The following NCOR2 variants were observed in gnomAD, a reference collection of about 807,000 sequenced individuals.
NCOR2 encodes the protein CTG repeat protein 26.
A neutral mutation model predicts 262.9 loss-of-function variants in NCOR2; 81 were observed. The ratio of observed to expected loss-of-function variants is 0.31; its 90% CI spans 0.26 to 0.37. The LOEUF is 0.37. Ranked by LOEUF, NCOR2 falls within the 10% of genes least tolerant of loss-of-function variation. The pLI is 1.00. For synonymous variants in NCOR2, 1,659 were observed against 1,559.3 expected (o/e 1.06, Z -1.51); for missense variants, 3,385 against 3,621.4 (o/e 0.93, Z 1.68).
At chr12:124,399,351 T>C (rs2041870749) in intron 15 of NCOR2, among the ~76,000 whole-genome samples, 1 of 152,042 alleles carries the variant, frequency 6.6e-6, no homozygotes, top group Non-Finnish European at 1.5e-5. Flanking sequence ...AGGAGTGTGT[T>C]TTCCACCCTG....
At chr12:124,474,219 C>A (rs1385745950) in intron 3 of NCOR2, among the ~76,000 whole-genome samples, 2 of 152,174 alleles carry the variant, frequency 1.3e-5, no homozygotes, top group Non-Finnish European at 2.9e-5. Flanking sequence ...CAGAACCATG[C>A]AGCCAACACA....
At chr12:124,372,391 G>T in exon 20 of NCOR2, 1 of 1,505,540 alleles carries the variant, frequency 6.6e-7, no homozygotes, top group Non-Finnish European at 8.8e-7. Flanking sequence ...AGAGGGCGAT[G>T]GGGGTGCTGG....
chr12:124,430,828 C>G (rs754346010), intron 8 of NCOR2, 41 bp from the exon 11 acceptor site: 2 of 1,556,944 alleles, frequency 1.3e-6, no homozygotes, highest in Admixed American at 3.8e-5. Flanking sequence ...TGCTCCTGCA[C>G]CTGGCACCCG....
At chr12:124,506,148 C>T (rs1259593838) in intron 1 of NCOR2, among the ~76,000 whole-genome samples, 3 of 152,166 alleles carry the variant, frequency 2.0e-5, no homozygotes, top group African/African-American at 7.2e-5. Flanking sequence ...CATGCTAACA[C>T]CAGAGGCAGC....
At chr12:124,501,369 T>C (rs908694292) in intron 1 of NCOR2, among the ~76,000 whole-genome samples, 3 of 151,438 alleles carry the variant, frequency 2.0e-5, no homozygotes, top group African/African-American at 7.3e-5. Flanking sequence ...CGAGGCGTAT[T>C]AGCGCCCTCG....
At chr12:124,551,433 G>C (rs2051711687) in intron 1 of NCOR2, among the ~76,000 whole-genome samples, 1 of 152,230 alleles carries the variant, frequency 6.6e-6, no homozygotes, top group South Asian at 2.1e-4. Context: ...TCGTGGAAAA[G>C]CCCAGGCCCC....
chr12:124,553,824 G>A (rs1285787939), intron 1 of NCOR2, among the ~76,000 whole-genome samples: 1 of 152,220 alleles, frequency 6.6e-6, no homozygotes, highest in African/African-American at 2.4e-5. Context: ...GTTGCAGAAG[G>A]CTTTGCAGGG....
chr12:124,417,380 C>A (rs1176739112), intron 13 of NCOR2, among the ~76,000 whole-genome samples: 1 of 152,194 alleles, frequency 6.6e-6, no homozygotes, highest in Non-Finnish European at 1.5e-5. Flanking sequence ...CGACACCCCC[C>A]ACCCTTCTTA....
At chr12:124,472,646 T>A (rs1269077640) in intron 4 of NCOR2, among the ~76,000 whole-genome samples, 1 of 152,238 alleles carries the variant, frequency 6.6e-6, no homozygotes, top group Non-Finnish European at 1.5e-5. Flanking sequence ...TGCGGCAGCC[T>A]GTGTGGCTAT....
At chr12:124,436,918 T>C (rs1314053164) in intron 8 of NCOR2, among the ~76,000 whole-genome samples, 1 of 151,956 alleles carries the variant, frequency 6.6e-6, no homozygotes, top group African/African-American at 2.4e-5. Flanking sequence ...TGAAACCTTC[T>C]CTACTAAAAA....
chr12:124,492,611 G>A (rs1006833661), intron 1 of NCOR2, among the ~76,000 whole-genome samples: 1 of 152,164 alleles, frequency 6.6e-6, no homozygotes, highest in Admixed American at 6.5e-5. Context: ...CCAGGTTCCC[G>A]CCACTGACTG....
chr12:124,540,441 A>G (rs2137210300), upstream of NCOR2, among the ~76,000 whole-genome samples: 2 of 72,178 alleles, frequency 2.8e-5, no homozygotes, highest in Admixed American at 1.6e-4. Flanking sequence ...GTTGGGGAGT[A>G]GAGCTGGAGG....
chr12:124,542,882 C>T (rs73427613), intron 1 of NCOR2: 3,238 of 152,448 alleles, frequency 0.021, 131 homozygotes, highest in African/African-American at 0.074. Flanking sequence ...AGGCAGGCTC[C>T]GCAGCCCTTC....
chr12:124,341,473 G>C (rs11057587), intron 34 of NCOR2, among the ~76,000 whole-genome samples: 21,254 of 152,060 alleles, frequency 0.14, 2,269 homozygotes, highest in East Asian at 0.37. Flanking sequence ...TTCTGACCTT[G>C]TTATCCACCT....
At chr12:124,501,052 GCGCA>G (rs1237491168) in intron 1 of NCOR2, among the ~76,000 whole-genome samples, 2 of 26,990 alleles carry the variant, frequency 7.4e-5, no homozygotes, top group South Asian at 2.0e-3. Context: ...ACGAGCGCGC[GCGCA>G]CGCGCGCACA....
intron 19 of NCOR2, among the ~76,000 whole-genome samples, chr12:124,373,362 AT>A: frequency 2.7e-5 from 1 of 37,330 alleles, no homozygotes; most frequent in African/African-American, 5.2e-5. Context: ...ACAGTGGACA[AT>A]CATGAGGCCA....
intron 1 of NCOR2, among the ~76,000 whole-genome samples, chr12:124,555,103 T>G (rs2051840316): frequency 6.6e-6 from 1 of 152,216 alleles, no homozygotes; most frequent in Non-Finnish European, 1.5e-5. Flanking sequence ...GCCAATGATA[T>G]CACCACTCTG....
chr12:124,466,140 C>T lies in NCOR2; in HGVS notation c.705+33G>A, dbSNP rs754047170. ...CTGTGAAGCGCCTCATGGCCAGCACCGGGGGGCAGCAGGCCAGGGCGGGGA... is the reference window on the plus strand; with the variant it reads ...CTGTGAAGCGCCTCATGGCCAGCACTGGGGGGCAGCAGGCCAGGGCGGGGA... On this transcript the variant is annotated intron_variant, in intron 5 of 46. Coordinates refer to ENST00000405201, the Ensembl canonical transcript of NCOR2. 45 of 1,579,574 alleles carry T rather than the reference C, an allele frequency of 2.8e-5. No homozygotes were observed. The Middle Eastern group carries it at 4.0e-3, about 142-fold the overall frequency.
chr12:124,533,891 A>G (rs1204053506), intron 1 of NCOR2, among the ~76,000 whole-genome samples: 1 of 150,070 alleles, frequency 6.7e-6, no homozygotes, highest in African/African-American at 2.4e-5. Flanking sequence ...CCTGACACAC[A>G]TTTGTAAACT....
Sources: gnomAD v4.1 joint callset for allele counts (sites outside exome capture counted in the v4.1 genomes callset) on GRCh38, gnomAD v4.1.1 for gene constraint, MANE v1.5 for transcripts, NCBI Gene and HGNC (gene_info 2026-07-23, HGNC 2026-07-21) for gene names.